IDE: variants seen among roughly 807,000 people sequenced by gnomAD.
IDE encodes insulin degrading enzyme, also known as insulin-degrading enzyme.
IDE carries 58 observed loss-of-function variants against 133.2 expected under a neutral mutation model. That is an observed-to-expected ratio of 0.44 (90% CI 0.35 to 0.54). IDE has a LOEUF of 0.54. Among genes scored for constraint, IDE ranks in the 20% least tolerant of loss-of-function variants. IDE has a pLI of 0.00. For synonymous variants in IDE, 396 were observed against 421.3 expected, an observed-to-expected ratio of 0.94 and a Z score of 0.73; for missense variants, 981 against 1,234.0, an observed-to-expected ratio of 0.79 and a Z score of 3.07.
At chr10:92,475,061 A>C in intron 16 of IDE, 100 bp from the exon 17 acceptor site, 2 of 837,538 alleles carry the variant, frequency 2.4e-6, no homozygotes, top group Non-Finnish European at 3.7e-6. Context: ...AAACTGTATT[A>C]CTAGGATATT....
Position 92,510,132 on chromosome 10 carries a change from A to G in IDE, c.815T>C (p.Val272Ala). The change falls in exon 6 of 25, where the codon GTA (valine) becomes GCA (alanine). Residue 272 changes from valine to alanine, a missense_variant. Val to Ala is a moderately conservative substitution (Grantham distance 64). Transcript: ENST00000265986. Reference sequence around the variant, plus strand: ...GTTCTCTACTTCAGAAAATAACTTTACCACCAGATTAGTCAAGTCATCTAA... The same window carrying G: ...GTTCTCTACTTCAGAAAATAACTTTGCCACCAGATTAGTCAAGTCATCTAA... ...ESLDDLTNLV[V>A]KLFSEVENKN... The G allele has an allele frequency of 6.3e-7, 1 of 1,595,514 alleles. No individual in the cohort carries two copies. Among genetic ancestry groups the G allele is most frequent in the Non-Finnish European group, 8.6e-7 (1 of 1,164,928 alleles).
At position 92,475,995 on chromosome 10, in the gene IDE, C is replaced by A; in HGVS notation, c.1885-1G>T. The A allele has an allele frequency of 7.6e-7, 1 of 1,315,748 alleles. No homozygotes were observed. The highest frequency in any genetic ancestry group is 1.9e-5 in the Admixed American group (1 of 51,532). 81.5% of individuals were successfully genotyped at this position (1,315,748 alleles called of 1,614,324 possible). A position where few individuals can be genotyped will look rare whatever the true frequency, so the allele number is the denominator to read the frequency against. The stretch of plus-strand genomic sequence containing the variant: ...TGTCATTGTAACCTTTCACTGAAAG[C>A]TACAGAAAGAATTCAGGGTATTAAA... On this transcript the variant is annotated splice_acceptor_variant, in intron 15 of 24. Coordinates refer to ENST00000265986, the MANE Select transcript of IDE (RefSeq NM_004969.4). LOFTEE classifies it high-confidence loss of function.
chr10:92,546,045 A>C (rs994198446), intron 1 of IDE, among the ~76,000 whole-genome samples: 3 of 152,260 alleles, frequency 2.0e-5, no homozygotes, highest in Non-Finnish European at 4.4e-5. Context: ...GTACATGCAC[A>C]CAATGGAAAG....
At chr10:92,490,676 T>C in intron 11 of IDE, 81 bp from the exon 12 acceptor site, 1 of 829,938 alleles carries the variant, frequency 1.2e-6, no homozygotes, top group Non-Finnish European at 2.0e-6. Context: ...CTCAGGACAA[T>C]ATAAACAATA....
chr10:92,518,940 T>G (rs1849070263), intron 4 of IDE, among the ~76,000 whole-genome samples: 1 of 152,166 alleles, frequency 6.6e-6, no homozygotes, highest in Non-Finnish European at 1.5e-5. Flanking sequence ...ATGCTCAAAG[T>G]GCATTTGTAA....
chr10:92,459,445 G>GA (rs1845235847), intron 22 of IDE, among the ~76,000 whole-genome samples: 1 of 152,026 alleles, frequency 6.6e-6, no homozygotes, highest in Non-Finnish European at 1.5e-5. Context: ...TACATCCCTA[G>GA]AAAAAAATAC....
In IDE at chr10:92,464,019, C is replaced by G. The variant is rs1845540579; in HGVS notation, c.2489-16G>C. The G allele has an allele frequency of 1.9e-6, 3 of 1,604,322 alleles. No homozygotes were observed. In the African/African-American group the frequency reaches 4.0e-5, roughly 21 times the overall value. ...ACGATATAGCCTGAAACACAGACAT[C>G]AGCCAGTCATGACCGTGGCATTTGA... On this transcript the variant is annotated splice_polypyrimidine_tract_variant and intron_variant, in intron 20 of 24. Transcript: ENST00000265986.
rs1165977236 is a variant in IDE, at chr10:92,524,465, ATATAAT to A, written c.661+7277_661+7282del. Among the ~76,000 whole-genome samples the A allele has an allele frequency of 7.1e-5, 5 of 69,996 alleles. 1 individual carries two copies. Among genetic ancestry groups the A allele is most frequent in the African/African-American group, 3.4e-4 (5 of 14,922 alleles). The allele number at this position is 69,996 out of a possible 152,430, so 45.9% of individuals were successfully genotyped here. ...ATATATTTTATATATTATATATTTTATATAATATATAATATATATTATATTATAATA... is the reference window on the plus strand; with the variant it reads ...ATATATTTTATATATTATATATTTTAATATAATATATATTATATTATAATA... On this transcript the variant is annotated intron_variant, in intron 4 of 24. Coordinates refer to ENST00000265986, the MANE Select transcript of IDE (RefSeq NM_004969.4).
Position 92,537,428 on chromosome 10 carries a change from T to G in IDE, c.221A>C (p.Lys74Thr). 4 of 1,614,052 alleles carry G rather than the reference T, an allele frequency of 2.5e-6. No individual in the cohort carries two copies. The highest frequency in any genetic ancestry group is 3.4e-6 in the Non-Finnish European group (4 of 1,179,954). Residue 74 changes from lysine (K) to threonine (T), a missense_variant, in exon 2 of 25, where the codon AAA becomes ACA. Lys to Thr is a moderately conservative substitution (Grantham distance 78). Transcript: ENST00000265986. ...YRGLELANGIKVLLISDPTTD... is the reference protein window; with the variant it reads ...YRGLELANGITVLLISDPTTD... ...GGTGGGATCACTGATAAGAAGTACT[T>G]TGATACCATTGGCCAGCTCTAGCCC...
intron 11 of IDE, among the ~76,000 whole-genome samples, chr10:92,492,720 AC>A (rs1198888105): frequency 6.6e-6 from 1 of 152,156 alleles, no homozygotes; most frequent in Non-Finnish European, 1.5e-5. Flanking sequence ...AAAGCCTAGT[AC>A]TTGCAATCAA....
chr10:92,514,642 G>T (rs902712032), intron 5 of IDE, among the ~76,000 whole-genome samples: 16 of 152,034 alleles, frequency 1.1e-4, no homozygotes, highest in Admixed American at 3.3e-4. Context: ...ATCTTACTAT[G>T]TTGCCCAGGC....
chr10:92,543,375 A>G (rs1842396802), intron 1 of IDE, among the ~76,000 whole-genome samples: 1 of 152,216 alleles, frequency 6.6e-6, no homozygotes, highest in Non-Finnish European at 1.5e-5. Context: ...GCTTAAGACC[A>G]TATACCCCAA....
intron 1 of IDE, among the ~76,000 whole-genome samples, chr10:92,554,365 G>T (rs1430861267): frequency 6.6e-6 from 1 of 151,868 alleles, no homozygotes; most frequent in Non-Finnish European, 1.5e-5. Flanking sequence ...ACTAGCCTGG[G>T]CAACACAGCA....
chr10:92,561,772 T>A (rs1233700722), intron 1 of IDE, among the ~76,000 whole-genome samples: 3 of 146,314 alleles, frequency 2.1e-5, no homozygotes, highest in African/African-American at 5.0e-5. Context: ...CAAAAAAAAA[T>A]AAAATAAAAT....
intron 15 of IDE, among the ~76,000 whole-genome samples, chr10:92,477,442 C>G (rs998651713): frequency 2.2e-4 from 33 of 152,246 alleles, no homozygotes; most frequent in Admixed American, 2.2e-3. Context: ...CAGGCGTGAG[C>G]CACCGTGCCC....
intron 15 of IDE, among the ~76,000 whole-genome samples, chr10:92,477,522 C>T (rs1049669066): frequency 6.6e-6 from 1 of 152,212 alleles, no homozygotes; most frequent in African/African-American, 2.4e-5. Context: ...TGGAGAATTT[C>T]TATCATGATA....
intron 17 of IDE, among the ~76,000 whole-genome samples, chr10:92,473,728 C>T (rs1484751467): frequency 1.3e-5 from 2 of 152,210 alleles, no homozygotes; most frequent in East Asian, 3.9e-4. Flanking sequence ...TGCCTGTAAT[C>T]CCAGCATGCT....
intron 6 of IDE, among the ~76,000 whole-genome samples, chr10:92,509,673 C>A (rs1170982597): frequency 6.6e-6 from 1 of 152,114 alleles, no homozygotes; most frequent in East Asian, 1.9e-4. Flanking sequence ...GTAATCCCAG[C>A]ATTTTGGGAG....
At chr10:92,555,555 T>C (rs1842967571) in intron 1 of IDE, among the ~76,000 whole-genome samples, 1 of 151,110 alleles carries the variant, frequency 6.6e-6, no homozygotes, top group Admixed American at 6.6e-5. Context: ...ATTACTGTAA[T>C]TGGTTCAGGA....
Sources: gnomAD v4.1 joint callset for allele counts (sites outside exome capture counted in the v4.1 genomes callset) on GRCh38, gnomAD v4.1.1 for gene constraint, MANE v1.5 for transcripts, NCBI Gene and HGNC (gene_info 2026-07-23, HGNC 2026-07-21) for gene names.